Variants in DENND1A observed in about 807,000 individuals in gnomAD.
DENND1A encodes DENN domain-containing protein 1A.
Under a neutral mutation model 113.7 loss-of-function variants are expected in DENND1A, and 51 were observed. That is an observed-to-expected ratio of 0.45 (90% CI 0.36 to 0.57). DENND1A has a LOEUF of 0.57. DENND1A is among the 20% of genes least tolerant of loss of function. The pLI is 0.00. For missense variants in DENND1A, 1,258 were observed against 1,395.9 expected (o/e 0.90, Z 1.57); for synonymous variants, 565 against 570.8 (o/e 0.99, Z 0.14).
chr9:123,602,047 A>G (rs2137418552), intron 11 of DENND1A, among the ~76,000 whole-genome samples: 1 of 152,344 alleles, frequency 6.6e-6, no homozygotes, highest in South Asian at 2.1e-4. Context: ...AGGCTCTGAT[A>G]AACCCCTTGC....
intron 5 of DENND1A, among the ~76,000 whole-genome samples, chr9:123,729,671 T>C (rs1267570415): frequency 6.6e-6 from 1 of 152,088 alleles, no homozygotes; most frequent in African/African-American, 2.4e-5. Flanking sequence ...ATCATGAAAA[T>C]AGCCATACTG....
At chr9:123,816,869 A>G (rs1020780001) in intron 2 of DENND1A, among the ~76,000 whole-genome samples, 2 of 152,208 alleles carry the variant, frequency 1.3e-5, no homozygotes, top group Admixed American at 1.3e-4. Context: ...CTGTAAATGC[A>G]GACAGTAGTA....
chr9:123,618,391 G>C (rs925862452), intron 10 of DENND1A, among the ~76,000 whole-genome samples: 2 of 152,228 alleles, frequency 1.3e-5, no homozygotes, highest in African/African-American at 4.8e-5. Context: ...AGGGAGGAAT[G>C]AGGAATGTGT....
At chr9:123,564,584 C>T (rs1349843697) in intron 12 of DENND1A, among the ~76,000 whole-genome samples, 6 of 152,234 alleles carry the variant, frequency 3.9e-5, no homozygotes, top group African/African-American at 1.4e-4. Context: ...CACCATTGCC[C>T]CCCTGCCTAG....
At chr9:123,724,800 C>T (rs898049706) in intron 5 of DENND1A, among the ~76,000 whole-genome samples, 5 of 152,156 alleles carry the variant, frequency 3.3e-5, no homozygotes, top group South Asian at 4.1e-4. Flanking sequence ...AATTCTCAAA[C>T]GATTCAAGCT....
intron 19 of DENND1A, among the ~76,000 whole-genome samples, chr9:123,428,625 G>GATGAC (rs1206469265): frequency 6.6e-6 from 1 of 152,208 alleles, no homozygotes; most frequent in Non-Finnish European, 1.5e-5. Context: ...TTTATTTGCA[G>GATGAC]ATGACATGAT....
intron 2 of DENND1A, among the ~76,000 whole-genome samples, chr9:123,864,001 A>C (rs1325336773): frequency 2.6e-5 from 4 of 151,542 alleles, no homozygotes; most frequent in East Asian, 1.9e-4. Context: ...AAAAAAAAAA[A>C]CACACAGAAA....
Position 123,748,952 on chromosome 9 carries a change from T to C in DENND1A, c.302+8751A>G, listed in dbSNP as rs1399137342. Among the ~76,000 whole-genome samples the C allele has an allele frequency of 5.9e-5, 9 of 152,336 alleles. No individual in the cohort carries two copies. The East Asian group carries it at 1.2e-3, about 20-fold the overall frequency. ...TCGGATTTAAACAGAACTGATCATC[T>C]TGTTCACTCTATAATCACATAGTTG... On this transcript the variant is annotated intron_variant, in intron 5 of 23. Coordinates refer to ENST00000394215, the MANE Select transcript of DENND1A (RefSeq NM_001352964.2).
chr9:123,835,272 T>G (rs1202068118), intron 2 of DENND1A, among the ~76,000 whole-genome samples: 3 of 152,094 alleles, frequency 2.0e-5, no homozygotes, highest in Admixed American at 2.0e-4. Context: ...GCACTGTCAT[T>G]TAGAAATAAC....
chr9:123,790,282 C>G (rs1832804889), intron 3 of DENND1A, among the ~76,000 whole-genome samples: 1 of 152,032 alleles, frequency 6.6e-6, no homozygotes, highest in South Asian at 2.1e-4. Context: ...TTCTCACTTT[C>G]TTTCCCAGTA....
chr9:123,769,693 A>G, intron 3 of DENND1A, 130 bp from the exon 4 acceptor site: 2 of 625,712 alleles, frequency 3.2e-6, no homozygotes, highest in Non-Finnish European at 5.3e-6. Flanking sequence ...GGCTTTATCA[A>G]TTACATGGGA....
intron 2 of DENND1A, among the ~76,000 whole-genome samples, chr9:123,837,863 C>A (rs1210588155): frequency 6.6e-6 from 1 of 152,242 alleles, no homozygotes; most frequent in Non-Finnish European, 1.5e-5. Flanking sequence ...TATTCTGACA[C>A]TGCTCCTGCA....
At chr9:123,518,926 A>C (rs2134910482) in intron 13 of DENND1A, among the ~76,000 whole-genome samples, 1 of 152,302 alleles carries the variant, frequency 6.6e-6, no homozygotes. Context: ...AATAAAACCC[A>C]AACTCCTTTC....
chr9:123,785,857 C>T (rs933342181), intron 3 of DENND1A, among the ~76,000 whole-genome samples: 3 of 152,090 alleles, frequency 2.0e-5, no homozygotes, highest in South Asian at 2.1e-4. Context: ...CTAAGAAATA[C>T]GGAAAGTGAG....
intron 13 of DENND1A, among the ~76,000 whole-genome samples, chr9:123,495,612 T>C (rs544388524): frequency 1.3e-5 from 2 of 152,222 alleles, no homozygotes; most frequent in Non-Finnish European, 2.9e-5. Context: ...CCGATCAATA[T>C]GAAGCAAGTG....
intron 8 of DENND1A, among the ~76,000 whole-genome samples, chr9:123,654,607 A>G (rs917906764): frequency 6.6e-6 from 1 of 152,076 alleles, no homozygotes; most frequent in Non-Finnish European, 1.5e-5. Context: ...ATTCTGAGGG[A>G]CTCAGGTGCT....
intron 18 of DENND1A, among the ~76,000 whole-genome samples, chr9:123,447,302 T>C (rs2047376503): frequency 6.6e-6 from 1 of 152,204 alleles, no homozygotes; most frequent in Admixed American, 6.5e-5. Context: ...ATCCTTCTTT[T>C]TTTGTTGTTG....
chr9:123,416,872 A>C (rs1192011361), intron 19 of DENND1A, among the ~76,000 whole-genome samples: 1 of 152,238 alleles, frequency 6.6e-6, no homozygotes, highest in African/African-American at 2.4e-5. Context: ...TCAGAGAATA[A>C]GACACAGTCC....
chr9:123,830,278 A>G (rs1369620150), intron 2 of DENND1A, among the ~76,000 whole-genome samples: 1 of 152,188 alleles, frequency 6.6e-6, no homozygotes. Flanking sequence ...TACCATTTCT[A>G]TAAGGTTTAA....
Sources: allele counts gnomAD v4.1 joint callset (sites outside exome capture counted in the v4.1 genomes callset), GRCh38; gene constraint gnomAD v4.1.1; transcripts MANE v1.5; gene names NCBI Gene and HGNC (gene_info 2026-07-23, HGNC 2026-07-21).